The following TOX3 variants were observed in gnomAD, a reference collection of about 807,000 sequenced individuals.
TOX3 encodes the protein CAG trinucleotide repeat-containing gene F9 protein.
TOX3 carries 22 observed loss-of-function variants against 64.3 expected under a neutral mutation model. The observed-to-expected ratio is 0.34, with a 90% confidence interval of 0.24 to 0.49. The LOEUF is 0.49. Ranked by LOEUF, TOX3 falls within the 20% of genes least tolerant of loss-of-function variation. The pLI is 0.99. For synonymous variants in TOX3, 291 were observed against 273.6 expected (o/e 1.06, Z -0.63); for missense variants, 661 against 714.4 (o/e 0.93, Z 0.85).
chr16:52,439,091 A>G lies in TOX3; in HGVS notation c.*134T>C, dbSNP rs1048389088. 33 of 1,273,288 alleles carry G rather than the reference A, an allele frequency of 2.6e-5. No individual in the cohort carries two copies. Among genetic ancestry groups the G allele is most frequent in the Non-Finnish European group, 3.4e-5 (31 of 904,478 alleles). The allele number at this position is 1,273,288 out of a possible 1,614,324, so 78.9% of individuals were successfully genotyped here. On this transcript the variant is annotated 3_prime_UTR_variant, in exon 7 of 7. Transcript: ENST00000219746. ...GCAGTTCTTATTGCCTATCTAATAGACACTTGAGAGGACCGTTTGATCTGT... is the reference window on the plus strand; with the variant it reads ...GCAGTTCTTATTGCCTATCTAATAGGCACTTGAGAGGACCGTTTGATCTGT...
At chr16:52,545,894 G>C (rs909353840) in intron 1 of TOX3, among the ~76,000 whole-genome samples, 1 of 152,190 alleles carries the variant, frequency 6.6e-6, no homozygotes, top group Non-Finnish European at 1.5e-5. Context: ...CTCGGTCCTC[G>C]AAGTTGGCGC....
At chr16:52,444,132 C>T in intron 6 of TOX3, 144 bp downstream of exon 6, 1 of 562,308 alleles carries the variant, frequency 1.8e-6, no homozygotes, top group Admixed American at 3.2e-5. Context: ...TGGGTAATCT[C>T]TAATGGAAAC....
intron 1 of TOX3, among the ~76,000 whole-genome samples, chr16:52,521,290 A>G (rs1317576848): frequency 6.6e-6 from 1 of 152,232 alleles, no homozygotes; most frequent in Non-Finnish European, 1.5e-5. Flanking sequence ...GTAGCTAAAA[A>G]TCAAGCTACA....
At chr16:52,445,848 T>C in intron 5 of TOX3, 146 bp downstream of exon 5, 1 of 741,384 alleles carries the variant, frequency 1.3e-6, no homozygotes, top group Non-Finnish European at 2.2e-6. Context: ...GATTTATATG[T>C]CTGGGTTTTT....
chr16:52,455,092 G>A (rs147904780), intron 3 of TOX3, among the ~76,000 whole-genome samples: 1 of 152,276 alleles, frequency 6.6e-6, no homozygotes, highest in East Asian at 1.9e-4. Flanking sequence ...CCAACAATAA[G>A]AGCTGAATGC....
chr16:52,532,781 G>A (rs1032828314), intron 1 of TOX3, among the ~76,000 whole-genome samples: 9 of 152,172 alleles, frequency 5.9e-5, no homozygotes, highest in Non-Finnish European at 1.5e-5. Context: ...CTGTAGACAA[G>A]ACAACAGGGC....
chr16:52,485,330 C>T (rs903949361), intron 1 of TOX3, among the ~76,000 whole-genome samples: 1 of 149,482 alleles, frequency 6.7e-6, no homozygotes, highest in Non-Finnish European at 1.5e-5. Context: ...ATGTTCTTTG[C>T]AGCAACATAG....
intron 1 of TOX3, among the ~76,000 whole-genome samples, chr16:52,520,535 T>C (rs1962582849): frequency 6.6e-6 from 1 of 152,204 alleles, no homozygotes; most frequent in African/African-American, 2.4e-5. Flanking sequence ...CTTTCATGCA[T>C]TTTGCCATTT....
Position 52,439,579 on chromosome 16 carries a change from C to T in TOX3, c.1377G>A (p.Met459Ile). 15 of 1,576,280 alleles carry T rather than the reference C, an allele frequency of 9.5e-6. No individual in the cohort carries two copies. Among genetic ancestry groups the T allele is most frequent in the Non-Finnish European group, 1.3e-5 (15 of 1,154,574 alleles). ...QQQQQQQMQQ[M>I]QQQQLQQHQM... ...GGTGCTGCTGGAGTTGCTGCTGCTGCATCTGTTGCATCTGTTGTTGTTGCT... is the reference window on the plus strand; with the variant it reads ...GGTGCTGCTGGAGTTGCTGCTGCTGTATCTGTTGCATCTGTTGTTGTTGCT... Residue 459 changes from methionine to isoleucine, a missense_variant, in exon 7 of 7, where the codon ATG (methionine) becomes ATA (isoleucine). Met to Ile is a conservative substitution (Grantham distance 10). Around this residue, in one of 3 missense-constraint regions of TOX3, gnomAD observed 299 missense variants for 292.1 expected, o/e 1.02. Coordinates refer to ENST00000219746, the MANE Select transcript of TOX3 (RefSeq NM_001080430.4).
chr16:52,497,264 T>C (rs540805553), intron 1 of TOX3, among the ~76,000 whole-genome samples: 1 of 152,314 alleles, frequency 6.6e-6, no homozygotes, highest in African/African-American at 2.4e-5. Flanking sequence ...TGTAACTAAG[T>C]ACATTACCAA....
chr16:52,489,694 T>A (rs1186501150), intron 1 of TOX3, among the ~76,000 whole-genome samples: 1 of 152,206 alleles, frequency 6.6e-6, no homozygotes, highest in African/African-American at 2.4e-5. Context: ...TTACTCCTTC[T>A]GAATATTGCC....
At chr16:52,455,855 A>C (rs1295203327) in intron 3 of TOX3, among the ~76,000 whole-genome samples, 1 of 152,206 alleles carries the variant, frequency 6.6e-6, no homozygotes, top group African/African-American at 2.4e-5. Flanking sequence ...GGTGAAATGC[A>C]ATAGGCTTGG....
At position 52,497,808 on chromosome 16, in the gene TOX3, C is replaced by A. The variant is rs185650353; in HGVS notation, c.88-29234G>T. Reference sequence around the variant, plus strand: ...TTTTTTTTAATGTTTAGGGCCATATCTTTAATATATTCAAAACATAGGGGA... The same window carrying A: ...TTTTTTTTAATGTTTAGGGCCATATATTTAATATATTCAAAACATAGGGGA... On this transcript the variant is annotated intron_variant, in intron 1 of 6. Coordinates refer to ENST00000219746, the MANE Select transcript of TOX3 (RefSeq NM_001080430.4). 9.9e-5 allele frequency among the ~76,000 whole-genome samples: 15 copies of A among 152,036 alleles called. No individual in the cohort carries two copies. The East Asian group carries it at 2.9e-3, about 29-fold the overall frequency.
At chr16:52,508,333 T>C (rs917690489) in intron 1 of TOX3, among the ~76,000 whole-genome samples, 4 of 152,164 alleles carry the variant, frequency 2.6e-5, no homozygotes, top group African/African-American at 9.7e-5. Context: ...ATGAGAACAA[T>C]TCTTGCACAT....
intron 1 of TOX3, among the ~76,000 whole-genome samples, chr16:52,526,887 T>C (rs137882077): frequency 5.9e-5 from 9 of 152,328 alleles, no homozygotes; most frequent in Admixed American, 2.0e-4. Flanking sequence ...GCTTATGAAA[T>C]CTTTAAGCAA....
upstream of TOX3, chr16:52,547,530 G>T: frequency 6.6e-6 from 1 of 152,050 alleles, no homozygotes. Flanking sequence ...TCCCCAAGCC[G>T]TCTGCTCCCT....
intron 3 of TOX3, among the ~76,000 whole-genome samples, chr16:52,454,520 G>A (rs1244047965): frequency 2.0e-5 from 3 of 152,160 alleles, no homozygotes; most frequent in South Asian, 2.1e-4. Context: ...AGTATAAGAC[G>A]ATTAATGGCT....
intron 1 of TOX3, among the ~76,000 whole-genome samples, chr16:52,490,491 C>T (rs998216519): frequency 1.3e-5 from 2 of 152,058 alleles, no homozygotes; most frequent in South Asian, 2.1e-4. Flanking sequence ...AGGACTAACA[C>T]AAAAGGCATT....
chr16:52,489,024 G>C (rs1281395657), intron 1 of TOX3, among the ~76,000 whole-genome samples: 1 of 152,104 alleles, frequency 6.6e-6, no homozygotes, highest in Non-Finnish European at 1.5e-5. Flanking sequence ...GAGGCCATGA[G>C]GTATGCAGTT....
Sources: allele counts gnomAD v4.1 joint callset (sites outside exome capture counted in the v4.1 genomes callset), GRCh38; gene constraint gnomAD v4.1.1; regional missense constraint gnomAD v4.1.1; transcripts MANE v1.5; gene names NCBI Gene and HGNC (gene_info 2026-07-23, HGNC 2026-07-21).